The following ATP10B variants were observed in gnomAD, a reference collection of about 807,000 sequenced individuals.
The protein encoded by ATP10B is ATPase phospholipid transporting 10B (putative).
Under a neutral mutation model 141.2 loss-of-function variants are expected in ATP10B, and 122 were observed. The ratio of observed to expected loss-of-function variants is 0.86; its 90% CI spans 0.75 to 1.00. The LOEUF is 1.00. ATP10B is among the 50% of genes least tolerant of loss of function. ATP10B has a pLI of 0.00. For missense variants in ATP10B, 1,876 were observed against 1,825.3 expected, an observed-to-expected ratio of 1.03 and a Z score of -0.51; for synonymous variants, 685 against 692.0, an observed-to-expected ratio of 0.99 and a Z score of 0.16.
chr5:160,783,396 TGATGGATATATCTATCCATGGATATATC>T (rs1298449979), intron 2 of ATP10B, among the ~76,000 whole-genome samples: 3 of 134,192 alleles, frequency 2.2e-5, no homozygotes, highest in Middle Eastern at 3.7e-3. Context: ...TATATATATG[TGATGGATATATCTATCCATGGATATATC>T]CATGGATAGA....
the ATP10B span, among the ~76,000 whole-genome samples, chr5:160,926,224 C>G: frequency 0.69 from 105,347 of 152,086 alleles, 36,700 homozygotes; most frequent in African/African-American, 0.78. Flanking sequence ...TAAAAGTTCA[C>G]TGCTGATATT....
chr5:160,711,753 C>G (rs1323912896), intron 3 of ATP10B, among the ~76,000 whole-genome samples: 6 of 60,890 alleles, frequency 9.9e-5, no homozygotes, highest in African/African-American at 1.9e-4. Flanking sequence ...GTGGGTTTGT[C>G]ATAGATAGCT....
chr5:160,732,672 C>G (rs12656360), intron 2 of ATP10B, among the ~76,000 whole-genome samples: 1 of 152,060 alleles, frequency 6.6e-6, no homozygotes, highest in Non-Finnish European at 1.5e-5. Context: ...TGTTTTTATA[C>G]CAATACCTGC....
Position 160,640,518 on chromosome 5 carries a change from T to C in ATP10B, c.943A>G (p.Ile315Val). ...KRSKIERRMN[I>V]DIFFCIGILI... ...ATCCCAATGCAGAAGAAGATGTCTA[T>C]ATTCATGCGCCGCTCAATCTTGCTG... Residue 315 changes from isoleucine to valine, a missense_variant, in exon 10 of 26, where the codon ATA (isoleucine) becomes GTA (valine). Ile to Val is a conservative substitution (Grantham distance 29). Transcript: ENST00000327245. 6.2e-7 allele frequency: 1 copy of C among 1,614,160 alleles called. No individual in the cohort carries two copies.
Position 160,688,748 on chromosome 5 carries a change from C to T in ATP10B, c.-21+12G>A. 6 of 985,062 alleles carry T rather than the reference C, an allele frequency of 6.1e-6. No homozygotes were observed. Among genetic ancestry groups the T allele is most frequent in the Non-Finnish European group, 7.2e-6 (6 of 829,618 alleles). The allele number at this position is 985,062 out of a possible 1,614,324, so 61.0% of individuals were successfully genotyped here. On this transcript the variant is annotated intron_variant, in intron 4 of 25. Coordinates refer to ENST00000327245, the MANE Select transcript of ATP10B (RefSeq NM_025153.3). Reference sequence around the variant, plus strand: ...CATTTTCTGATTCTGATGACATTTTCCAGAAACTCACCTGTGGCCGGAACC... The same window carrying T: ...CATTTTCTGATTCTGATGACATTTTTCAGAAACTCACCTGTGGCCGGAACC...
chr5:160,783,651 G>T (rs995678390), intron 2 of ATP10B, among the ~76,000 whole-genome samples: 2 of 150,394 alleles, frequency 1.3e-5, no homozygotes, highest in Non-Finnish European at 3.0e-5. Context: ...GGGCATTTGG[G>T]TTGGTTCCAT....
chr5:160,849,146 G>C (rs992293609), intron 1 of ATP10B, among the ~76,000 whole-genome samples: 30 of 152,204 alleles, frequency 2.0e-4, no homozygotes, highest in African/African-American at 7.2e-4. Context: ...ACTTGGGGAG[G>C]AGGAGGTAGA....
intron 9 of ATP10B, 36 bp from the exon 10 acceptor site, chr5:160,640,628 C>T (rs1026818001): frequency 5.0e-6 from 8 of 1,611,430 alleles, no homozygotes; most frequent in African/African-American, 1.3e-5. Flanking sequence ...TCCCTTAGTT[C>T]CTGTTTGCCT....
At chr5:160,666,221 C>T (rs780513832) in intron 7 of ATP10B, among the ~76,000 whole-genome samples, 5 of 151,992 alleles carry the variant, frequency 3.3e-5, no homozygotes, top group Non-Finnish European at 7.4e-5. Flanking sequence ...AGGTTTATAT[C>T]GAGATTGTCT....
intron 2 of ATP10B, among the ~76,000 whole-genome samples, chr5:160,751,237 C>T (rs1186955327): frequency 6.6e-6 from 1 of 152,192 alleles, no homozygotes; most frequent in African/African-American, 2.4e-5. Context: ...ACATCAGCCA[C>T]AGTCTCTTCC....
At chr5:160,837,809 C>T (rs535188537) in intron 1 of ATP10B, among the ~76,000 whole-genome samples, 1 of 152,092 alleles carries the variant, frequency 6.6e-6, no homozygotes, top group African/African-American at 2.4e-5. Flanking sequence ...CCATCCTCCA[C>T]CCCATTCTTG....
rs761182548 is a variant in ATP10B at position 160,615,902 on chromosome 5, G to A, written c.2589C>T (p.Leu863=). 18 of 1,613,784 alleles carry A rather than the reference G, an allele frequency of 1.1e-5. No individual in the cohort carries two copies. Among genetic ancestry groups the A allele is most frequent in the African/African-American group, 4.0e-5 (3 of 74,896 alleles). ...CCATGAGAAGCTCATCTCGGTTGTC[G>A]AGGGATGCCTCAGCCTCACGCCGGA... The part of the protein sequence containing the change: ...ASFRREAEAS[L]DNRDELLMET... Residue 863 remains leucine (L), a synonymous_variant, in exon 17 of 26, where the codon CTC becomes CTT. Coordinates refer to ENST00000327245, the MANE Select transcript of ATP10B (RefSeq NM_025153.3).
chr5:160,910,014 T>C, the ATP10B span, among the ~76,000 whole-genome samples: 95,195 of 151,986 alleles, frequency 0.63, 31,131 homozygotes, highest in African/African-American at 0.81. Context: ...TTGTTAAAAG[T>C]AGGGGTTGGG....
At chr5:160,766,369 CA>C (rs1319842839) in intron 2 of ATP10B, among the ~76,000 whole-genome samples, 89 of 107,830 alleles carry the variant, frequency 8.3e-4, no homozygotes, top group African/African-American at 2.7e-3. Context: ...CACACACACA[CA>C]CACACACACA....
intron 3 of ATP10B, among the ~76,000 whole-genome samples, chr5:160,709,631 TA>T (rs2127770041): frequency 6.8e-6 from 1 of 146,286 alleles, no homozygotes; most frequent in African/African-American, 2.5e-5. Context: ...TATTATACTC[TA>T]AGTTTTAGGG....
chr5:160,745,086 G>A (rs1251575252), intron 2 of ATP10B, among the ~76,000 whole-genome samples: 2 of 152,324 alleles, frequency 1.3e-5, no homozygotes, highest in East Asian at 3.9e-4. Context: ...CCACAGGTAA[G>A]GTCTCAGAAT....
intron 1 of ATP10B, among the ~76,000 whole-genome samples, chr5:160,821,578 G>A (rs1176600444): frequency 1.3e-5 from 2 of 151,866 alleles, no homozygotes; most frequent in Non-Finnish European, 2.9e-5. Context: ...AAAAACAACA[G>A]AATTAGAAGA....
At chr5:160,731,877 A>G (rs1429077321) in intron 2 of ATP10B, among the ~76,000 whole-genome samples, 3 of 152,156 alleles carry the variant, frequency 2.0e-5, no homozygotes, top group Admixed American at 6.5e-5. Flanking sequence ...GTTCAGTTCT[A>G]ATCAAGTTAA....
At chr5:160,917,700 T>A in the ATP10B span, among the ~76,000 whole-genome samples, 2 of 152,092 alleles carry the variant, frequency 1.3e-5, no homozygotes, top group African/African-American at 4.8e-5. Flanking sequence ...GCCCCCAGAT[T>A]CAGGTGAGAC....
Sources: gnomAD v4.1 joint callset for allele counts (sites outside exome capture counted in the v4.1 genomes callset) on GRCh38, gnomAD v4.1.1 for gene constraint, MANE v1.5 for transcripts, NCBI Gene and HGNC (gene_info 2026-07-23, HGNC 2026-07-21) for gene names.